The following SOX6 variants were observed in gnomAD, a reference collection of about 807,000 sequenced individuals.
The protein encoded by SOX6 is SRY-box transcription factor 6.
SOX6 carries 11 observed loss-of-function variants against 97.8 expected under a neutral mutation model. The observed-to-expected ratio is 0.11, with a 90% CI of 0.07 to 0.19. SOX6 has a LOEUF of 0.19. SOX6 is among the 10% of genes least tolerant of loss of function. SOX6 has a pLI of 1.00. For synonymous variants in SOX6, 360 were observed against 371.4 expected (o/e 0.97, Z 0.35); for missense variants, 810 against 1,039.5 (o/e 0.78, Z 3.04).
At chr11:16,609,774 A>G (rs908696291) in intron 4 of SOX6, among the ~76,000 whole-genome samples, 2 of 152,226 alleles carry the variant, frequency 1.3e-5, no homozygotes, top group Admixed American at 6.5e-5. Context: ...AGAAATAGTC[A>G]TATGCTCCTG....
intron 12 of SOX6, among the ~76,000 whole-genome samples, chr11:16,032,628 C>T (rs1365451519): frequency 6.6e-6 from 1 of 152,110 alleles, no homozygotes; most frequent in East Asian, 1.9e-4. Flanking sequence ...TTCTCTCTCT[C>T]TCTCTTTCTC....
chr11:16,710,647 A>G (rs1848171668), intron 3 of SOX6, among the ~76,000 whole-genome samples: 1 of 152,126 alleles, frequency 6.6e-6, no homozygotes, highest in Non-Finnish European at 1.5e-5. Flanking sequence ...TACAAGTTAT[A>G]GGGTTTCTCA....
At chr11:16,410,186 T>C (rs1176641244) in intron 1 of SOX6, among the ~76,000 whole-genome samples, 2 of 152,204 alleles carry the variant, frequency 1.3e-5, no homozygotes, top group Non-Finnish European at 2.9e-5. Context: ...TAAATACATA[T>C]AATTATAATT....
At chr11:16,560,708 G>A (rs1013465865) in intron 4 of SOX6, among the ~76,000 whole-genome samples, 1 of 152,114 alleles carries the variant, frequency 6.6e-6, no homozygotes, top group Non-Finnish European at 1.5e-5. Context: ...TTGCCAGGAT[G>A]AAAGGACAGT....
chr11:15,974,522 C>T (rs1432594736), intron 15 of SOX6, among the ~76,000 whole-genome samples: 1 of 146,374 alleles, frequency 6.8e-6, no homozygotes, highest in Non-Finnish European at 1.5e-5. Flanking sequence ...GTATATCTCC[C>T]AATGCTATCC....
intron 4 of SOX6, among the ~76,000 whole-genome samples, chr11:16,203,473 G>A (rs1302104340): frequency 6.6e-6 from 1 of 152,024 alleles, no homozygotes; most frequent in Non-Finnish European, 1.5e-5. Flanking sequence ...TTTGAATTCA[G>A]ACAAAACACT....
intron 4 of SOX6, among the ~76,000 whole-genome samples, chr11:16,570,200 T>C (rs1190862630): frequency 6.6e-6 from 1 of 152,166 alleles, no homozygotes; most frequent in East Asian, 1.9e-4. Flanking sequence ...CAATTGATCG[T>C]ATACTCTCTG....
intron 3 of SOX6, among the ~76,000 whole-genome samples, chr11:16,251,407 A>G (rs981422184): frequency 5.9e-5 from 9 of 152,138 alleles, no homozygotes; most frequent in Admixed American, 5.2e-4. Flanking sequence ...AACATTATTT[A>G]TATCAATAAT....
At chr11:16,330,905 C>A (rs1225206058) in intron 2 of SOX6, among the ~76,000 whole-genome samples, 4 of 151,880 alleles carry the variant, frequency 2.6e-5, no homozygotes, top group Admixed American at 6.6e-5. Flanking sequence ...CCCTCTAAGG[C>A]CCCCAGATAA....
intron 4 of SOX6, among the ~76,000 whole-genome samples, chr11:16,540,948 C>A (rs1034680379): frequency 7.2e-5 from 11 of 152,178 alleles, no homozygotes; most frequent in Non-Finnish European, 1.6e-4. Context: ...CAATGACTTT[C>A]TTCACAGAAT....
intron 4 of SOX6, among the ~76,000 whole-genome samples, chr11:16,222,624 G>A (rs1852576161): frequency 1.3e-5 from 2 of 152,048 alleles, no homozygotes; most frequent in Non-Finnish European, 2.9e-5. Flanking sequence ...CAAGCTTTGT[G>A]GGGTCCTCAA....
chr11:16,402,331 C>T (rs552778736), intron 1 of SOX6, among the ~76,000 whole-genome samples: 1 of 151,690 alleles, frequency 6.6e-6, no homozygotes, highest in East Asian at 1.9e-4. Flanking sequence ...AGTGGTGAAA[C>T]AAATTTCTTT....
At chr11:16,051,239 A>C (rs1409285423) in intron 10 of SOX6, among the ~76,000 whole-genome samples, 1 of 152,170 alleles carries the variant, frequency 6.6e-6, no homozygotes, top group Admixed American at 6.5e-5. Context: ...AGTTCATTTA[A>C]CCGTCAATGA....
intron 3 of SOX6, among the ~76,000 whole-genome samples, chr11:16,657,321 T>C (rs993091348): frequency 2.0e-5 from 3 of 152,212 alleles, no homozygotes; most frequent in Non-Finnish European, 2.9e-5. Context: ...TTCCATTATC[T>C]GGATGTGCCA....
chr11:16,712,207 ATGCAAG>A (rs1223954126), intron 3 of SOX6, among the ~76,000 whole-genome samples: 1 of 152,160 alleles, frequency 6.6e-6, no homozygotes, highest in East Asian at 1.9e-4. Context: ...TGCTAAAAAC[ATGCAAG>A]TGCAAGTATC....
intron 6 of SOX6, among the ~76,000 whole-genome samples, chr11:16,124,626 G>C (rs1370737449): frequency 6.6e-6 from 1 of 152,096 alleles, no homozygotes; most frequent in Non-Finnish European, 1.5e-5. Context: ...GCAAAGGTCA[G>C]AGCAGAATGA....
chr11:16,272,325 A>G (rs976719235), intron 3 of SOX6, among the ~76,000 whole-genome samples: 1 of 151,668 alleles, frequency 6.6e-6, no homozygotes, highest in Admixed American at 6.6e-5. Flanking sequence ...ATGGTCATCT[A>G]TCCACTTCAC....
At chr11:16,187,453 G>A (rs554937085) in intron 4 of SOX6, among the ~76,000 whole-genome samples, 7 of 152,234 alleles carry the variant, frequency 4.6e-5, no homozygotes, top group African/African-American at 1.7e-4. Context: ...TGTCACTGAA[G>A]TTTAGAAGTT....
At chr11:16,024,691 G>A (rs528650222) in intron 12 of SOX6, among the ~76,000 whole-genome samples, 3 of 151,996 alleles carry the variant, frequency 2.0e-5, no homozygotes, top group South Asian at 2.1e-4. Context: ...TAAGCATTTC[G>A]AGGGAGGGAA....
Sources: gnomAD v4.1 joint callset for allele counts (sites outside exome capture counted in the v4.1 genomes callset) on GRCh38, gnomAD v4.1.1 for gene constraint, MANE v1.5 for transcripts, NCBI Gene and HGNC (gene_info 2026-07-23, HGNC 2026-07-21) for gene names.